PIEZO2: variants seen among roughly 807,000 people sequenced by gnomAD.
PIEZO2 encodes piezo type mechanosensitive ion channel component 2, also known as piezo-type mechanosensitive ion channel component 2.
Under a neutral mutation model 337.3 loss-of-function variants are expected in PIEZO2, and 172 were observed. That is an observed-to-expected ratio of 0.51 (90% CI 0.45 to 0.58). The LOEUF (loss-of-function observed/expected upper bound fraction) is 0.58. Ranked by LOEUF, PIEZO2 falls within the 20% of genes least tolerant of loss-of-function variation. The probability of loss-of-function intolerance (pLI) is 0.00; values close to 1 mark genes in which losing one functional copy is unlikely to be tolerated. For synonymous variants in PIEZO2, 1,251 were observed against 1,228.5 expected, an observed-to-expected ratio of 1.02 and a Z score of -0.38; for missense variants, 3,028 against 3,391.3, an observed-to-expected ratio of 0.89 and a Z score of 2.66.
chr18:10,752,095 C>A (rs79561301), intron 28 of PIEZO2, among the ~76,000 whole-genome samples: 9 of 152,316 alleles, frequency 5.9e-5, no homozygotes, highest in Non-Finnish European at 1.3e-4. Flanking sequence ...GCTGCATTTT[C>A]TCTTCTATCT....
chr18:10,966,788 G>A (rs1056845497), intron 3 of PIEZO2, among the ~76,000 whole-genome samples: 1 of 151,732 alleles, frequency 6.6e-6, no homozygotes, highest in Non-Finnish European at 1.5e-5. Context: ...CCTTTCCCCC[G>A]AGTCCCCAAA....
chr18:10,730,812 C>T (rs563634135), intron 36 of PIEZO2, among the ~76,000 whole-genome samples: 7 of 152,180 alleles, frequency 4.6e-5, no homozygotes, highest in South Asian at 4.2e-4. Context: ...CTGCAAGCTC[C>T]GCCTCCCGGG....
chr18:10,882,104 G>A (rs1056494456), intron 4 of PIEZO2, among the ~76,000 whole-genome samples: 2 of 152,052 alleles, frequency 1.3e-5, no homozygotes, highest in Non-Finnish European at 2.9e-5. Flanking sequence ...ATTTAGGTAC[G>A]GACAAGGTCA....
At chr18:11,067,479 ATGC>A in intron 1 of PIEZO2, among the ~76,000 whole-genome samples, 1 of 152,352 alleles carries the variant, frequency 6.6e-6, no homozygotes, top group Non-Finnish European at 1.5e-5. Flanking sequence ...ACCCAAGTAT[ATGC>A]TGCCTGCAAG....
At chr18:10,723,555 T>C (rs143074515) in intron 36 of PIEZO2, among the ~76,000 whole-genome samples, 9 of 152,150 alleles carry the variant, frequency 5.9e-5, no homozygotes, top group African/African-American at 2.2e-4. Flanking sequence ...AATAACAGCA[T>C]GTGTTTATGC....
At chr18:11,091,485 C>T in intron 1 of PIEZO2, among the ~76,000 whole-genome samples, 1 of 151,966 alleles carries the variant, frequency 6.6e-6, no homozygotes, top group Non-Finnish European at 1.5e-5. Flanking sequence ...AGAATGGTAG[C>T]TTTTGAGCAC....
rs577247138 is a variant in PIEZO2, at chr18:11,132,632, C to G, written c.64+15893G>C. On this transcript the variant is annotated intron_variant, in intron 1 of 55. Transcript: ENST00000674853. This position sits in a 1 kb window ranked among gnomAD's most constrained non-coding sequence, Gnocchi z 4.7. ...TTTGCTTCCTGTTCCCGTGACATTA[C>G]GTTCTGCTGGCCTAGAGGTCTTAGT... Among the ~76,000 whole-genome samples, 2 of 152,084 alleles carry G rather than the reference C, an allele frequency of 1.3e-5. No individual in the cohort carries two copies. Among genetic ancestry groups the G allele is most frequent in the African/African-American group, 4.8e-5 (2 of 41,372 alleles).
At chr18:10,814,169 C>G (rs1240685022) in intron 7 of PIEZO2, among the ~76,000 whole-genome samples, 1 of 152,124 alleles carries the variant, frequency 6.6e-6, no homozygotes, top group Admixed American at 6.5e-5. Flanking sequence ...CAGGGTTTCA[C>G]TGTGTTAGCC....
At position 10,705,715 on chromosome 18, in the gene PIEZO2, G is replaced by A. The variant is rs563775093; in HGVS notation, c.5620C>T (p.Arg1874Cys). The A allele has an allele frequency of 2.0e-4, 309 of 1,535,774 alleles. No individual in the cohort carries two copies. Among genetic ancestry groups the A allele is most frequent in the Middle Eastern group, 3.3e-4 (2 of 5,998 alleles). Residue 1874 changes from arginine (R) to cysteine (C), a missense_variant, in exon 41 of 56, where the codon CGC becomes TGC. Arg to Cys is a radical substitution (Grantham distance 180). Around this residue, in one of 5 missense-constraint regions of PIEZO2, gnomAD observed 1,925 missense variants for 2,051.9 expected, o/e 0.94. Transcript: ENST00000674853. The stretch of plus-strand genomic sequence containing the variant: ...TCGATGGTCTCAGTGGTCCCCTGGC[G>A]TGAGTACAGCATGGTACACTGCGTG... ...EPTQCTMLYS[R>C]QGTTETIEEV...
At chr18:10,989,075 T>A (rs2034990737) in intron 2 of PIEZO2, among the ~76,000 whole-genome samples, 1 of 152,000 alleles carries the variant, frequency 6.6e-6, no homozygotes, top group African/African-American at 2.4e-5. Context: ...CAAGGGAAGA[T>A]CTTAAGAGAT....
At chr18:10,770,043 G>A (rs376522419) in intron 21 of PIEZO2, 105 bp downstream of exon 21, 44 of 1,204,806 alleles carry the variant, frequency 3.7e-5, no homozygotes, top group African/African-American at 2.4e-4. Flanking sequence ...TTGATACTCC[G>A]ATGTAATGCG....
chr18:10,925,950 T>A (rs901303483), intron 3 of PIEZO2, among the ~76,000 whole-genome samples: 1 of 152,250 alleles, frequency 6.6e-6, no homozygotes, highest in African/African-American at 2.4e-5. Flanking sequence ...TTTGATTTTA[T>A]GGTTGTTCTT....
chr18:10,701,833 T>TCC (rs1432958430), intron 43 of PIEZO2, 156 bp downstream of exon 43: 2 of 521,224 alleles, frequency 3.8e-6, no homozygotes, highest in African/African-American at 4.3e-5. Context: ...CTTTTCTCTC[T>TCC]CTTTTTTTTT....
rs1221483459 is a variant in PIEZO2, at chr18:10,794,821, T to G, written c.1709A>C (p.Lys570Thr). 2.6e-6 allele frequency: 4 copies of G among 1,536,460 alleles called. No individual in the cohort carries two copies. The South Asian group carries it at 4.8e-5, about 18-fold the overall frequency. ...IWSFELPEIK[K>T]VPGFLEKKEP... Reference sequence around the variant, plus strand: ...TTTCTTTTCTAAAAATCCTGGAACTTTTTTAATTTCAGGAAGTTCAAAACT... The same window carrying G: ...TTTCTTTTCTAAAAATCCTGGAACTGTTTTAATTTCAGGAAGTTCAAAACT... Residue 570 changes from lysine to threonine, a missense_variant, in exon 13 of 56, where the codon AAA becomes ACA. This residue lies in a region of PIEZO2 where 50 missense variants were observed against 88.2 expected (regional missense o/e 0.57). Coordinates refer to ENST00000674853, the MANE Select transcript of PIEZO2 (RefSeq NM_001378183.1). The surrounding 1 kb of genome is among the most constrained non-coding windows in gnomAD (Gnocchi z 6.6).
At chr18:10,811,980 C>T (rs2040206932) in intron 7 of PIEZO2, among the ~76,000 whole-genome samples, 1 of 152,154 alleles carries the variant, frequency 6.6e-6, no homozygotes, top group Non-Finnish European at 1.5e-5. Context: ...ATTACAGGCG[C>T]CCGCCACCAC....
intron 1 of PIEZO2, among the ~76,000 whole-genome samples, chr18:11,136,073 G>C (rs747376572): frequency 2.0e-5 from 3 of 152,196 alleles, no homozygotes; most frequent in Non-Finnish European, 4.4e-5. Flanking sequence ...AAATGCTTTA[G>C]GGACTGTGTC....
rs570562383 is a variant in PIEZO2, at chr18:11,129,558, C to CA, written c.64+18966dup. Among the ~76,000 whole-genome samples the CA allele has an allele frequency of 3.5e-4, 54 of 152,276 alleles. No homozygotes were observed. Among genetic ancestry groups the CA allele is most frequent in the African/African-American group, 1.3e-3 (52 of 41,560 alleles). ...AAAAACAGAATCACAGCCCCTCAAT[C>CA]AATTTCCAGACTTGAGCCAGTTTAT... On this transcript the variant is annotated intron_variant, in intron 1 of 55. Coordinates refer to ENST00000674853, the MANE Select transcript of PIEZO2 (RefSeq NM_001378183.1). This position sits in a 1 kb window ranked among gnomAD's most constrained non-coding sequence, Gnocchi z 4.6.
chr18:10,883,080 G>A lies in PIEZO2; in HGVS notation c.330-11665C>T, dbSNP rs184930597. 4.8e-3 allele frequency among the ~76,000 whole-genome samples: 729 copies of A among 151,920 alleles called. 4 individuals carry two copies. Among genetic ancestry groups the A allele is most frequent in the Middle Eastern group, 0.02 (6 of 294 alleles). The stretch of plus-strand genomic sequence containing the variant: ...TCTCGATCTCCTGACCTTGTGATCC[G>A]CCCAACTCAGCCTCCCAAAGAGCTG... On this transcript the variant is annotated intron_variant, in intron 4 of 55. Coordinates refer to ENST00000674853, the MANE Select transcript of PIEZO2 (RefSeq NM_001378183.1).
chr18:11,139,739 C>T (rs555800773), intron 1 of PIEZO2, among the ~76,000 whole-genome samples: 60 of 152,228 alleles, frequency 3.9e-4, no homozygotes, highest in African/African-American at 1.4e-3. Context: ...GTAGGGTCAC[C>T]GGCCTCCCCT....
Sources: allele counts gnomAD v4.1 joint callset (sites outside exome capture counted in the v4.1 genomes callset), GRCh38; gene constraint gnomAD v4.1.1; regional missense constraint gnomAD v4.1.1; non-coding constraint Gnocchi (gnomAD v3.1); transcripts MANE v1.5; gene names NCBI Gene and HGNC (gene_info 2026-07-23, HGNC 2026-07-21).